SPATA6L: variants seen among roughly 807,000 people sequenced by gnomAD.
The protein encoded by SPATA6L is spermatogenesis associated 6-like protein.
In SPATA6L, 68 loss-of-function variants were observed where a neutral mutation model predicts 49.2. The observed-to-expected ratio is 1.38, with a 90% CI of 1.14 to 1.69. The LOEUF is 1.69. Ranked by LOEUF, SPATA6L falls within the 40% of genes most tolerant of loss-of-function variation. The pLI, the probability that SPATA6L is intolerant of heterozygous loss-of-function variation, is 0.00. For synonymous variants in SPATA6L, 198 were observed against 165.7 expected, an observed-to-expected ratio of 1.19 and a Z score of -1.50; for missense variants, 668 against 464.3, an observed-to-expected ratio of 1.44 and a Z score of -4.03.
At chr9:4,636,268 T>A (rs141169438) in intron 3 of SPATA6L, among the ~76,000 whole-genome samples, 1 of 152,320 alleles carries the variant, frequency 6.6e-6, no homozygotes, top group African/African-American at 2.4e-5. Flanking sequence ...GCTTGATACT[T>A]ACATATTAAC....
chr9:4,659,452 A>T (rs1485550277), intron 2 of SPATA6L, among the ~76,000 whole-genome samples: 2 of 151,392 alleles, frequency 1.3e-5, no homozygotes, highest in African/African-American at 2.4e-5. Context: ...TAAAATATCT[A>T]GGAATACAAC....
In SPATA6L at chr9:4,661,978, A is replaced by T; in HGVS notation, c.98T>A (p.Leu33His). Reference protein sequence around the residue: ...GKQDVYLGVYLMNQYLETNSF... With the variant: ...GKQDVYLGVYHMNQYLETNSF... ...GTTGGTCTCCAGGTACTGATTCATG[A>T]GGTAGACCCCGAGGTACACATCTTG... Residue 33 changes from leucine (L) to histidine (H), a missense_variant, in exon 2 of 12, where the codon CTC becomes CAC. Leu to His is a moderately conservative substitution (Grantham distance 99). Transcript: ENST00000682582. 6.2e-7 allele frequency: 1 copy of T among 1,614,116 alleles called. No homozygotes were observed. The highest frequency in any genetic ancestry group is 1.3e-5 in the African/African-American group (1 of 75,052).
chr9:4,614,345 G>T (rs564992126), intron 9 of SPATA6L, among the ~76,000 whole-genome samples: 5 of 152,152 alleles, frequency 3.3e-5, no homozygotes, highest in Non-Finnish European at 7.3e-5. Context: ...TCATCCTTAT[G>T]ACCTTGATCC....
intron 9 of SPATA6L, among the ~76,000 whole-genome samples, chr9:4,609,080 C>T (rs1407224851): frequency 6.6e-6 from 1 of 150,820 alleles, no homozygotes; most frequent in African/African-American, 2.5e-5. Context: ...CATACGCTCT[C>T]CCAAGACTAA....
intron 11 of SPATA6L, among the ~76,000 whole-genome samples, chr9:4,603,408 T>C (rs1823861082): frequency 2.0e-5 from 3 of 152,110 alleles, no homozygotes; most frequent in Admixed American, 6.6e-5. Context: ...CTAGCCTGGG[T>C]GACAGAGCTC....
chr9:4,606,311 C>A (rs1168259079), intron 9 of SPATA6L, among the ~76,000 whole-genome samples: 1 of 143,240 alleles, frequency 7.0e-6, no homozygotes, highest in Admixed American at 7.1e-5. Context: ...TCAAGGAGGC[C>A]TGCCTGCCTC....
In SPATA6L at chr9:4,646,746, A is replaced by T. The variant is rs1038723080; in HGVS notation, c.226+9295T>A. Among the ~76,000 whole-genome samples the T allele has an allele frequency of 5.3e-5, 8 of 152,202 alleles. No individual in the cohort carries two copies. In the South Asian group the frequency reaches 1.7e-3, roughly 32 times the overall value. On this transcript the variant is annotated intron_variant, in intron 3 of 11. Coordinates refer to ENST00000682582, the MANE Select transcript of SPATA6L (RefSeq NM_001353486.2). ...ACAGAATTATAAAAAATAGCATTTC[A>T]CTAGCCATAAAAAAGAACAAGCGTT...
intron 1 of SPATA6L, chr9:4,663,045 T>A: frequency 6.2e-7 from 1 of 1,613,810 alleles, no homozygotes; most frequent in Non-Finnish European, 8.5e-7. Flanking sequence ...GATGTCGAGG[T>A]TCATCCTGAA....
intron 9 of SPATA6L, among the ~76,000 whole-genome samples, chr9:4,615,573 G>T (rs1287449441): frequency 6.6e-6 from 1 of 152,186 alleles, no homozygotes; most frequent in East Asian, 1.9e-4. Context: ...TATTTAAAGA[G>T]AAAAGAGGAC....
intron 3 of SPATA6L, among the ~76,000 whole-genome samples, chr9:4,653,675 AC>A (rs1228279259): frequency 1.3e-5 from 2 of 152,174 alleles, no homozygotes; most frequent in Non-Finnish European, 2.9e-5. Flanking sequence ...CATGTCTGTA[AC>A]CCCAACACTT....
intron 4 of SPATA6L, 71 bp downstream of exon 4, chr9:4,635,204 T>C: frequency 7.0e-7 from 1 of 1,429,318 alleles, no homozygotes; most frequent in Non-Finnish European, 9.2e-7. Context: ...TCAAACCCTG[T>C]CAGGAATAAA....
chr9:4,606,583 G>A lies in SPATA6L; in HGVS notation c.996-1143C>T, dbSNP rs868422585. Among the ~76,000 whole-genome samples the A allele has an allele frequency of 6.1e-4, 21 of 34,374 alleles. 8 individuals are homozygous for A. Among genetic ancestry groups the A allele is most frequent in the Admixed American group, 4.0e-3 (11 of 2,736 alleles). 22.6% of individuals were successfully genotyped at this position (34,374 alleles called of 152,430 possible). A position where few individuals can be genotyped will look rare whatever the true frequency, so the allele number is the denominator to read the frequency against. ...GGTACTCCAACAGACCTGCAGCTGAGGGTCCTGTTAGAAGGAAAACTAACA... is the reference window on the plus strand; with the variant it reads ...GGTACTCCAACAGACCTGCAGCTGAAGGTCCTGTTAGAAGGAAAACTAACA... On this transcript the variant is annotated intron_variant, in intron 9 of 11. Coordinates refer to ENST00000682582, the MANE Select transcript of SPATA6L (RefSeq NM_001353486.2).
chr9:4,652,785 G>C (rs1361869767), intron 3 of SPATA6L, among the ~76,000 whole-genome samples: 2 of 147,822 alleles, frequency 1.4e-5, no homozygotes, highest in Admixed American at 1.4e-4. Context: ...AGGGTGCAGT[G>C]AGCAGAGATC....
chr9:4,660,395 A>G (rs4295714), intron 2 of SPATA6L, among the ~76,000 whole-genome samples: 74,642 of 152,096 alleles, frequency 0.49, 18,683 homozygotes, highest in African/African-American at 0.6. Flanking sequence ...ACTTCTCAAA[A>G]GAAGACATTT....
At chr9:4,614,236 C>T (rs560472306) in intron 9 of SPATA6L, among the ~76,000 whole-genome samples, 112 of 152,250 alleles carry the variant, frequency 7.4e-4, no homozygotes, top group South Asian at 2.1e-3. Context: ...CAGTGTTTCT[C>T]CCTCCTTTAG....
chr9:4,629,171 A>G lies in SPATA6L; in HGVS notation c.352-3T>C. 1.3e-6 allele frequency: 2 copies of G among 1,526,748 alleles called. No individual in the cohort carries two copies. Among genetic ancestry groups the G allele is most frequent in the South Asian group, 2.3e-5 (2 of 85,544 alleles). The allele number at this position is 1,526,748 out of a possible 1,614,324, so 94.6% of individuals were successfully genotyped here. On this transcript the variant is annotated splice_polypyrimidine_tract_variant and splice_region_variant and intron_variant, in intron 4 of 11. Transcript: ENST00000682582. ...AACTCTATTTTGGGAGCAATGCCCTATAAAACAGCATAAAAAAAGCAAATA... is the reference window on the plus strand; with the variant it reads ...AACTCTATTTTGGGAGCAATGCCCTGTAAAACAGCATAAAAAAAGCAAATA...
chr9:4,618,247 G>T (rs754110437), intron 8 of SPATA6L, 137 bp from the exon 9 acceptor site: 1 of 642,338 alleles, frequency 1.6e-6, no homozygotes, highest in Non-Finnish European at 2.6e-6. Context: ...CCTGCAAATA[G>T]AAGAGGATCT....
At chr9:4,602,792 T>G (rs1586933707) in intron 11 of SPATA6L, among the ~76,000 whole-genome samples, 1 of 152,192 alleles carries the variant, frequency 6.6e-6, no homozygotes, top group Non-Finnish European at 1.5e-5. Context: ...AGAATAAAGC[T>G]CCACCATTCA....
At chr9:4,647,420 C>T (rs1415533724) in intron 3 of SPATA6L, among the ~76,000 whole-genome samples, 3 of 151,988 alleles carry the variant, frequency 2.0e-5, no homozygotes, top group Admixed American at 6.6e-5. Flanking sequence ...AGTGAAACCC[C>T]GTGTCTACTA....
Sources: allele counts gnomAD v4.1 joint callset (sites outside exome capture counted in the v4.1 genomes callset), GRCh38; gene constraint gnomAD v4.1.1; transcripts MANE v1.5; gene names NCBI Gene and HGNC (gene_info 2026-07-23, HGNC 2026-07-21).